The following RSPO2 variants were observed in gnomAD, a reference collection of about 807,000 sequenced individuals.
The protein encoded by RSPO2 is R-spondin 2.
In RSPO2, 14 loss-of-function variants were observed where a neutral mutation model predicts 30.9. The observed-to-expected ratio is 0.45, with a 90% CI of 0.30 to 0.71. The LOEUF (loss-of-function observed/expected upper bound fraction) is 0.71. Among genes scored for constraint, RSPO2 ranks in the 30% least tolerant of loss-of-function variants. RSPO2 has a pLI of 0.08. For missense variants in RSPO2, 264 were observed against 301.9 expected (o/e 0.87, Z 0.93); for synonymous variants, 107 against 96.4 (o/e 1.11, Z -0.64).
intron 2 of RSPO2, among the ~76,000 whole-genome samples, chr8:107,990,555 T>C (rs961973610): frequency 6.6e-6 from 1 of 151,982 alleles, no homozygotes; most frequent in Non-Finnish European, 1.5e-5. Flanking sequence ...AAATCAGAGA[T>C]AACACAAACA....
chr8:108,044,074 G>C (rs1811837120), intron 2 of RSPO2, among the ~76,000 whole-genome samples: 2 of 151,580 alleles, frequency 1.3e-5, no homozygotes, highest in Non-Finnish European at 2.9e-5. Flanking sequence ...TCCATGAAAA[G>C]CTTATTAGGT....
At chr8:107,905,785 T>C (rs1031179515) in intron 5 of RSPO2, among the ~76,000 whole-genome samples, 2 of 151,466 alleles carry the variant, frequency 1.3e-5, no homozygotes, top group Admixed American at 6.6e-5. Flanking sequence ...ATTTTTTTTT[T>C]CCCATATGGG....
rs376421927 is a variant in RSPO2, at chr8:108,038,505, C to T, written c.94+44040G>A. Among the ~76,000 whole-genome samples, 8 of 152,176 alleles carry T rather than the reference C, an allele frequency of 5.3e-5. No individual in the cohort carries two copies. The South Asian group carries it at 1.5e-3, about 28-fold the overall frequency. ...TGGCAAGGTTTGACAGGATTGACTC[C>T]GATTCTAAAAGAAATGCTACTATGG... On this transcript the variant is annotated intron_variant, in intron 2 of 5. Coordinates refer to ENST00000276659, the MANE Select transcript of RSPO2 (RefSeq NM_178565.5).
chr8:107,917,137 G>C (rs1191560140), intron 5 of RSPO2, among the ~76,000 whole-genome samples: 3 of 152,122 alleles, frequency 2.0e-5, no homozygotes, highest in African/African-American at 7.2e-5. Flanking sequence ...TATCTTCATT[G>C]GGTCTTGTTT....
intron 2 of RSPO2, among the ~76,000 whole-genome samples, chr8:108,000,473 T>C (rs1815204474): frequency 1.3e-5 from 2 of 152,088 alleles, no homozygotes; most frequent in Admixed American, 1.3e-4. Context: ...AAGGTACTTT[T>C]GAGAAATATT....
chr8:107,922,987 A>T (rs1201607092), intron 5 of RSPO2, among the ~76,000 whole-genome samples: 1 of 152,194 alleles, frequency 6.6e-6, no homozygotes, highest in Non-Finnish European at 1.5e-5. Flanking sequence ...CCTGGAAGAC[A>T]ACCTGGGCAA....
At chr8:108,039,773 T>C (rs924044011) in intron 2 of RSPO2, among the ~76,000 whole-genome samples, 1 of 151,938 alleles carries the variant, frequency 6.6e-6, no homozygotes, top group East Asian at 1.9e-4. Flanking sequence ...CAGATGCTTG[T>C]GTCCCCTAAG....
At chr8:108,024,021 A>G (rs1811128808) in intron 2 of RSPO2, among the ~76,000 whole-genome samples, 1 of 152,156 alleles carries the variant, frequency 6.6e-6, no homozygotes, top group Non-Finnish European at 1.5e-5. Context: ...TTAAATTACT[A>G]AAATTTCATG....
intron 2 of RSPO2, among the ~76,000 whole-genome samples, chr8:108,014,727 G>A (rs977365572): frequency 2.6e-5 from 4 of 151,816 alleles, no homozygotes; most frequent in African/African-American, 9.7e-5. Context: ...GATAGCATTA[G>A]GAGAAATACC....
intron 2 of RSPO2, among the ~76,000 whole-genome samples, chr8:108,042,285 G>A (rs1445292327): frequency 1.3e-5 from 2 of 152,286 alleles, no homozygotes; most frequent in Non-Finnish European, 2.9e-5. Flanking sequence ...CCAAAGGTCT[G>A]TGGACTGGTG....
At chr8:108,019,518 G>C (rs1271692671) in intron 2 of RSPO2, among the ~76,000 whole-genome samples, 5 of 130,476 alleles carry the variant, frequency 3.8e-5, no homozygotes, top group Admixed American at 3.7e-4. Flanking sequence ...TCAGCCTTTC[G>C]GTCTTCTCAG....
chr8:108,031,859 AAAAAG>A (rs1288427347), intron 2 of RSPO2, among the ~76,000 whole-genome samples: 60 of 152,030 alleles, frequency 3.9e-4, no homozygotes, highest in African/African-American at 1.3e-3. Context: ...AGAGGAAAAA[AAAAAG>A]AAAAGGAATA....
At chr8:108,045,075 G>A (rs1231792738) in intron 2 of RSPO2, among the ~76,000 whole-genome samples, 1 of 152,052 alleles carries the variant, frequency 6.6e-6, no homozygotes, top group African/African-American at 2.4e-5. Context: ...AAATTGACCA[G>A]TAGGACCTAA....
intron 2 of RSPO2, among the ~76,000 whole-genome samples, chr8:108,016,746 G>A (rs1022002425): frequency 2.0e-5 from 3 of 152,120 alleles, no homozygotes; most frequent in African/African-American, 7.2e-5. Flanking sequence ...TCATGGCTTG[G>A]AGCTGTCCTG....
At chr8:108,002,610 GT>G (rs1815288313) in intron 2 of RSPO2, among the ~76,000 whole-genome samples, 2 of 152,100 alleles carry the variant, frequency 1.3e-5, no homozygotes, top group African/African-American at 4.8e-5. Context: ...ATAGAAACTA[GT>G]TGGTCACTCC....
At chr8:108,072,553 TA>T (rs1026531192) in intron 2 of RSPO2, among the ~76,000 whole-genome samples, 2 of 147,202 alleles carry the variant, frequency 1.4e-5, no homozygotes, top group Non-Finnish European at 3.0e-5. Flanking sequence ...TTAGCCAGGA[TA>T]GTCTCGATCT....
chr8:107,962,260 GATTTAAAGGCTAA>G (rs894238518), intron 3 of RSPO2, among the ~76,000 whole-genome samples: 6 of 152,140 alleles, frequency 3.9e-5, no homozygotes, highest in African/African-American at 1.4e-4. Flanking sequence ...AGATTTCAGT[GATTTAAAGGCTAA>G]ATTTAAAGGC....
At chr8:107,913,459 C>T (rs1563517708) in intron 5 of RSPO2, among the ~76,000 whole-genome samples, 1 of 152,084 alleles carries the variant, frequency 6.6e-6, no homozygotes, top group Non-Finnish European at 1.5e-5. Context: ...AAACATTTGC[C>T]AAAATAGTCT....
chr8:107,932,541 G>T (rs1812583253), intron 5 of RSPO2, among the ~76,000 whole-genome samples: 1 of 151,980 alleles, frequency 6.6e-6, no homozygotes, highest in African/African-American at 2.4e-5. Context: ...GAGAAAAGGA[G>T]GAAAAGATAA....
Sources: allele counts gnomAD v4.1 joint callset (sites outside exome capture counted in the v4.1 genomes callset), GRCh38; gene constraint gnomAD v4.1.1; transcripts MANE v1.5; gene names NCBI Gene and HGNC (gene_info 2026-07-23, HGNC 2026-07-21).